SYCP2L: variants seen among roughly 807,000 people sequenced by gnomAD.
The protein encoded by SYCP2L is synaptonemal complex protein 2-like.
In SYCP2L, 98 loss-of-function variants were observed where a neutral mutation model predicts 125.8. The ratio of observed to expected loss-of-function variants is 0.78; its 90% CI spans 0.66 to 0.92. SYCP2L has a LOEUF of 0.92. Ranked by LOEUF, SYCP2L falls within the 40% of genes least tolerant of loss-of-function variation. The pLI, the probability that SYCP2L is intolerant of heterozygous loss-of-function variation, is 0.00. For synonymous variants in SYCP2L, 317 were observed against 325.4 expected (o/e 0.97, Z 0.28); for missense variants, 842 against 936.4 (o/e 0.90, Z 1.32).
intron 23 of SYCP2L, among the ~76,000 whole-genome samples, chr6:10,947,003 G>A (rs1002414319): frequency 6.6e-6 from 1 of 151,152 alleles, no homozygotes; most frequent in Non-Finnish European, 1.5e-5. Flanking sequence ...CCACTCCTAC[G>A]TATTTTCTAT....
chr6:10,928,070 A>T (rs4388281), intron 17 of SYCP2L, among the ~76,000 whole-genome samples: 3,894 of 152,240 alleles, frequency 0.026, 178 homozygotes, highest in African/African-American at 0.088. Flanking sequence ...CAAGGTGCCC[A>T]GATTTCATAT....
intron 21 of SYCP2L, among the ~76,000 whole-genome samples, chr6:10,938,380 CAA>C (rs2113371541): frequency 6.6e-6 from 1 of 152,224 alleles, no homozygotes; most frequent in Admixed American, 6.5e-5. Context: ...TGACTTTCAA[CAA>C]ATTAAGTACA....
chr6:10,920,960 A>T (rs1225756), intron 14 of SYCP2L, among the ~76,000 whole-genome samples: 1 of 151,830 alleles, frequency 6.6e-6, no homozygotes, highest in East Asian at 1.9e-4. Flanking sequence ...TACATGTGCC[A>T]TAGTGGTTTG....
At chr6:10,919,906 C>T (rs550232590) in intron 14 of SYCP2L, among the ~76,000 whole-genome samples, 3 of 152,064 alleles carry the variant, frequency 2.0e-5, no homozygotes, top group African/African-American at 2.4e-5. Context: ...TCCAAAGGGC[C>T]GGTCTCACTC....
chr6:10,933,145 C>T (rs12214825), intron 20 of SYCP2L, among the ~76,000 whole-genome samples: 31,751 of 152,228 alleles, frequency 0.21, 4,132 homozygotes, highest in Middle Eastern at 0.35. Flanking sequence ...TCTACAAATA[C>T]TGGTATTCAA....
chr6:10,889,794 A>G (rs892055918), intron 1 of SYCP2L, among the ~76,000 whole-genome samples: 1 of 151,440 alleles, frequency 6.6e-6, no homozygotes, highest in African/African-American at 2.4e-5. Context: ...ATAATTTTCT[A>G]TTTTTAGTAG....
intron 1 of SYCP2L, 60 bp downstream of exon 1, chr6:10,887,195 C>T (rs1269575936): frequency 1.6e-5 from 26 of 1,608,704 alleles, no homozygotes; most frequent in Non-Finnish European, 2.0e-5. Context: ...CGCGAGGGCG[C>T]GGGGTCCCTG....
intron 21 of SYCP2L, among the ~76,000 whole-genome samples, chr6:10,941,682 C>A (rs1384001046): frequency 3.9e-5 from 6 of 152,170 alleles, no homozygotes; most frequent in Non-Finnish European, 8.8e-5. Flanking sequence ...GAAATAGGCA[C>A]ACTTTTCTTT....
At chr6:10,937,099 A>T (rs1781111562) in intron 21 of SYCP2L, among the ~76,000 whole-genome samples, 1 of 152,254 alleles carries the variant, frequency 6.6e-6, no homozygotes, top group Non-Finnish European at 1.5e-5. Flanking sequence ...TCTAACTAAC[A>T]TATACAGAAC....
chr6:10,925,204 G>C (rs900183864), intron 15 of SYCP2L, among the ~76,000 whole-genome samples: 7 of 152,140 alleles, frequency 4.6e-5, no homozygotes, highest in Admixed American at 1.3e-4. Context: ...ATCAGATCTT[G>C]TGAGACTTAC....
intron 2 of SYCP2L, among the ~76,000 whole-genome samples, chr6:10,893,403 G>C (rs1780207733): frequency 6.6e-6 from 1 of 152,158 alleles, no homozygotes. Context: ...ATAATTATTA[G>C]TATTATTTTT....
chr6:10,905,189 T>C (rs1581819510), intron 8 of SYCP2L, among the ~76,000 whole-genome samples: 1 of 150,426 alleles, frequency 6.6e-6, no homozygotes, highest in Middle Eastern at 3.6e-3. Flanking sequence ...CTCACACTTG[T>C]TAGCATTTAT....
intron 18 of SYCP2L, among the ~76,000 whole-genome samples, chr6:10,929,001 C>T (rs1482554314): frequency 1.3e-5 from 2 of 151,776 alleles, no homozygotes; most frequent in Non-Finnish European, 2.9e-5. Context: ...AAGCAATTCT[C>T]CTGCTTCAGC....
chr6:10,897,917 A>G (rs1780285990), intron 4 of SYCP2L, 94 bp from the exon 5 acceptor site: 2 of 852,272 alleles, frequency 2.3e-6, no homozygotes, highest in African/African-American at 3.4e-5. Context: ...GATCTTTAAG[A>G]TTATTTTGTT....
Position 10,963,801 on chromosome 6 carries a change from T to G in SYCP2L, c.2434T>G (p.Ser812Ala). The change falls in exon 29 of 30, where the codon TCA becomes GCA. Residue 812 changes from serine (S) to alanine (A), a missense_variant. Physicochemically the swap from Ser to Ala is moderately conservative, Grantham distance 99. Coordinates refer to ENST00000283141, the MANE Select transcript of SYCP2L (RefSeq NM_001040274.3). ...QVLRFNSTQT[S>A] The stretch of plus-strand genomic sequence containing the variant: ...TTCCAGGTTCAATTCAACTCAGACT[T>G]CATAAGAAAGCCAAAGCCTGGTTTT... 1 of 1,613,904 alleles carries G rather than the reference T, an allele frequency of 6.2e-7. No individual in the cohort carries two copies.
chr6:10,936,805 C>T (rs558158522), intron 21 of SYCP2L, among the ~76,000 whole-genome samples: 211 of 152,268 alleles, frequency 1.4e-3, no homozygotes, highest in Middle Eastern at 3.4e-3. Flanking sequence ...GTTATACCTA[C>T]ATCAGGCAAA....
intron 23 of SYCP2L, among the ~76,000 whole-genome samples, chr6:10,949,721 CT>C (rs33952119): frequency 1.3e-3 from 157 of 121,506 alleles, no homozygotes; most frequent in African/African-American, 3.9e-3. Context: ...CCTGATACAT[CT>C]TTTTTTTTTT....
chr6:10,910,955 C>T, intron 12 of SYCP2L, 86 bp downstream of exon 12: 13 of 1,436,222 alleles, frequency 9.1e-6, no homozygotes, highest in South Asian at 3.5e-5. Context: ...AACTTTTGCT[C>T]TCATAACTCA....
At chr6:10,931,988 G>GTTT (rs1272648351) in intron 20 of SYCP2L, among the ~76,000 whole-genome samples, 1 of 98,644 alleles carries the variant, frequency 1.0e-5, no homozygotes, top group Admixed American at 1.1e-4. Context: ...AAGATTGAGG[G>GTTT]TCTTTTTTTT....
Sources: allele counts gnomAD v4.1 joint callset (sites outside exome capture counted in the v4.1 genomes callset), GRCh38; gene constraint gnomAD v4.1.1; transcripts MANE v1.5; gene names NCBI Gene and HGNC (gene_info 2026-07-23, HGNC 2026-07-21).